The following IGSF1 variants were observed in gnomAD, a reference collection of about 807,000 sequenced individuals.
The protein encoded by IGSF1 is immunoglobulin-like domain-containing protein 1.
In IGSF1, 40 loss-of-function variants were observed where a neutral mutation model predicts 95.3. The ratio of observed to expected loss-of-function variants is 0.42; its 90% CI spans 0.33 to 0.55. The LOEUF (loss-of-function observed/expected upper bound fraction) is 0.55. Among genes scored for constraint, IGSF1 ranks in the 20% least tolerant of loss-of-function variants. The pLI, the probability that IGSF1 is intolerant of heterozygous loss-of-function variation, is 0.10. For synonymous variants in IGSF1, 372 were observed against 382.9 expected (o/e 0.97, Z 0.33); for missense variants, 906 against 1,025.4 (o/e 0.88, Z 1.59).
At position 131,275,962 on chromosome X, in the gene IGSF1, A is replaced by G. The variant is rs764878217; in HGVS notation, c.2895T>C (p.Thr965=). 1 of 1,209,040 alleles carries G rather than the reference A, an allele frequency of 8.3e-7. No individual in the cohort carries two copies. Among genetic ancestry groups the G allele is most frequent in the East Asian group, 3.0e-5 (1 of 33,824 alleles). The stretch of plus-strand genomic sequence containing the variant: ...GTCCCATGTCCGGTCGGTCCTTACC[A>G]GTCACCCAGATCATAAGGGGCATAC... ...YLSMPLMIWV[T]DTFPKPWLFA... is the part of the protein sequence containing the mutation. The change falls in exon 15 of 20, where the codon ACT becomes ACC. Residue 965 remains threonine (T), a splice_region_variant and synonymous_variant. Transcript: ENST00000361420.
chrX:131,274,801 G>A lies in IGSF1; in HGVS notation c.3549C>T (p.Cys1183=), dbSNP rs1367784644. 4.1e-6 allele frequency: 5 copies of A among 1,209,482 alleles called. No homozygotes were observed. Among genetic ancestry groups the A allele is most frequent in the Non-Finnish European group, 1.1e-6 (1 of 894,647 alleles). The part of the protein sequence containing the change: ...FKLGKDITLQ[C]RGPLPGVEFV... ...ATTCAACACCTGGCAGGGGTCCTCG[G>A]CACTGAAGGGTGATGTCCTTCCCTA... The change falls in exon 18 of 20, where the codon TGC becomes TGT. Residue 1183 remains cysteine (C), a synonymous_variant. Transcript: ENST00000361420.
intron 13 of IGSF1, chrX:131,277,612 G>A: frequency 2.6e-6 from 1 of 388,009 alleles, no homozygotes; most frequent in South Asian, 6.2e-5. Context: ...TAATTGATGT[G>A]AAAATAATTA....
In IGSF1 at chrX:131,273,939, A is replaced by G; in HGVS notation, c.3876-8T>C. The G allele has an allele frequency of 8.3e-7, 1 of 1,208,480 alleles. No homozygotes were observed. Among genetic ancestry groups the G allele is most frequent in the Non-Finnish European group, 1.1e-6 (1 of 893,815 alleles). ...CCGTCTGTCTCTGAGCCTCTATGTA[A>G]AGAAAAAGACATGAGTAAGGGAGGA... On this transcript the variant is annotated splice_polypyrimidine_tract_variant and splice_region_variant and intron_variant, in intron 19 of 19. Coordinates refer to ENST00000361420, the MANE Select transcript of IGSF1 (RefSeq NM_001555.5).
intron 13 of IGSF1, chrX:131,277,527 G>A: frequency 2.7e-6 from 1 of 373,209 alleles, no homozygotes; most frequent in East Asian, 4.3e-5. Flanking sequence ...CTGAGCCTCA[G>A]TTTGCCCATT....
intron 18 of IGSF1, 75 bp downstream of exon 18, chrX:131,274,524 G>T: frequency 9.6e-7 from 1 of 1,046,289 alleles, no homozygotes; most frequent in South Asian, 2.2e-5. Flanking sequence ...CTCCTGATTT[G>T]GGATGTCTCC....
chrX:131,274,343 G>A (rs2080451296), intron 18 of IGSF1, 137 bp from the exon 19 acceptor site: 3 of 846,378 alleles, frequency 3.5e-6, no homozygotes, highest in Non-Finnish European at 5.0e-6. Flanking sequence ...AGAGGGGGTG[G>A]GCAGTGGCAG....
At chrX:131,277,718 G>T in intron 13 of IGSF1, 138 bp downstream of exon 13, 1 of 662,062 alleles carries the variant, frequency 1.5e-6, no homozygotes, top group East Asian at 3.3e-5. Flanking sequence ...CCAGCGCCAC[G>T]CCTGCCTGGC....
At chrX:131,277,329 C>T (rs979213068) in intron 13 of IGSF1, 103 bp from the exon 14 acceptor site, 39 of 810,605 alleles carry the variant, frequency 4.8e-5, no homozygotes, top group East Asian at 1.7e-4. Flanking sequence ...TATTGGTTCT[C>T]GGAGGCTTCT....
chrX:131,284,663 C>T (rs1488697221), intron 5 of IGSF1: 1 of 747,433 alleles, frequency 1.3e-6, no homozygotes, highest in African/African-American at 2.3e-5. Context: ...GATAGGGAAC[C>T]AAGGTGATTT....
At chrX:131,289,361 C>T (rs1165478270), upstream of IGSF1, 3 of 363,393 alleles carry the variant, frequency 8.3e-6, no homozygotes, top group Non-Finnish European at 1.6e-5. Context: ...CCTGCCGGCC[C>T]GCCCCAACCT....
In IGSF1 at chrX:131,282,687, T is replaced by A; in HGVS notation, c.1003A>T (p.Met335Leu). The change falls in exon 7 of 20, where the codon ATG becomes TTG. Residue 335 changes from methionine to leucine, a missense_variant. Met to Leu is a conservative substitution (Grantham distance 15). Around this residue, in one of 5 missense-constraint regions of IGSF1, gnomAD observed 442 missense variants for 448.1 expected, o/e 0.99. Transcript: ENST00000361420. ...LLARPSAVVQ[M>L]GQNVSLRCRG... ...CACCGTAGGCTCACATTCTGACCCATTTGGACCACAGCACTGGGCCGAGCA... is the reference window on the plus strand; with the variant it reads ...CACCGTAGGCTCACATTCTGACCCAATTGGACCACAGCACTGGGCCGAGCA... The A allele has an allele frequency of 8.3e-7, 1 of 1,210,973 alleles. No individual in the cohort carries two copies. The highest frequency in any genetic ancestry group is 1.1e-6 in the Non-Finnish European group (1 of 894,858).
intron 9 of IGSF1, among the ~76,000 whole-genome samples, chrX:131,280,147 ATT>A (rs10718492): frequency 9.8e-6 from 1 of 102,090 alleles, no homozygotes. Context: ...ATAAAGCTAC[ATT>A]TTTTTTTTTT....
rs2080442368 is a variant in IGSF1, at chrX:131,273,673, C to T, written c.*123G>A. ...CTCAACTCCCAGAATCCCCTTTACC[C>T]AGCTCAGGTGATTAGAGACCAAGGA... On this transcript the variant is annotated 3_prime_UTR_variant, in exon 20 of 20. Coordinates refer to ENST00000361420, the MANE Select transcript of IGSF1 (RefSeq NM_001555.5). 2 of 691,518 alleles carry T rather than the reference C, an allele frequency of 2.9e-6. No individual in the cohort carries two copies. Among genetic ancestry groups the T allele is most frequent in the Admixed American group, 6.1e-5 (2 of 32,538 alleles). 57.0% of individuals were successfully genotyped at this position (691,518 alleles called of 1,213,427 possible). A position where few individuals can be genotyped will look rare whatever the true frequency, so the allele number is the denominator to read the frequency against.
Position 131,276,231 on chromosome X carries a change from T to C in IGSF1, c.2626A>G (p.Thr876Ala). The C allele has an allele frequency of 8.3e-7, 1 of 1,206,188 alleles. No individual in the cohort carries two copies. Among genetic ancestry groups the C allele is most frequent in the South Asian group, 1.8e-5 (1 of 55,378 alleles). Residue 876 changes from threonine to alanine, a missense_variant, in exon 15 of 20, where the codon ACT (threonine) becomes GCT (alanine). This residue lies in a region of IGSF1 where 411 missense variants were observed against 494.9 expected (regional missense o/e 0.83). Transcript: ENST00000361420. The stretch of plus-strand genomic sequence containing the variant: ...ACAGGACCTGGCTGTGCCAGGAGAG[T>C]GGGTTTGGGGTAGAATTCTGAAATT... The part of the protein sequence containing the change: ...LVVTEFYPKP[T>A]LLAQPGPVVF...
chrX:131,274,217 G>A lies in IGSF1; in HGVS notation c.3752-11C>T. Reference sequence around the variant, plus strand: ...CCTGAGCAACAGGCCCTGTGGTGATGAAAGAGGAGAAACCGAGGCCATGGA... The same window carrying A: ...CCTGAGCAACAGGCCCTGTGGTGATAAAAGAGGAGAAACCGAGGCCATGGA... On this transcript the variant is annotated splice_polypyrimidine_tract_variant and intron_variant, in intron 18 of 19. Coordinates refer to ENST00000361420, the MANE Select transcript of IGSF1 (RefSeq NM_001555.5). The A allele has an allele frequency of 8.3e-7, 1 of 1,210,414 alleles. No individual in the cohort carries two copies. Among genetic ancestry groups the A allele is most frequent in the Non-Finnish European group, 1.1e-6 (1 of 894,804 alleles).
In IGSF1 at chrX:131,285,476, T is replaced by C. The variant is rs1276951547; in HGVS notation, c.380-10A>G. The C allele has an allele frequency of 2.5e-6, 3 of 1,197,828 alleles. No individual in the cohort carries two copies. Among genetic ancestry groups the C allele is most frequent in the African/African-American group, 1.7e-5 (1 of 57,405 alleles). ...GGCTTGGGCAGTTGGCCTGGAAGGA[T>C]AGAATGAACTGGAATTAGGTAAAGC... is the stretch of plus-strand genomic sequence containing the variant. On this transcript the variant is annotated splice_polypyrimidine_tract_variant and intron_variant, in intron 4 of 19. Coordinates refer to ENST00000361420, the MANE Select transcript of IGSF1 (RefSeq NM_001555.5).
rs1196700319 is a variant in IGSF1 at position 131,283,261 on chromosome X, A to G, written c.671T>C (p.Leu224Pro). Residue 224 changes from leucine (L) to proline (P), a missense_variant, in exon 6 of 20, where the codon CTC becomes CCC. This residue lies in a region of IGSF1 where 442 missense variants were observed against 448.1 expected (regional missense o/e 0.99). Transcript: ENST00000361420. ...GGCTGTCAAAGTTGGTTTGGGGTAG[A>G]GTCCTACAAACGGAAGAGACCCTAA... ...SNPLKLVVAG[L>P]YPKPTLTAHP... 1 of 1,195,864 alleles carries G rather than the reference A, an allele frequency of 8.4e-7. No individual in the cohort carries two copies. The highest frequency in any genetic ancestry group is 1.8e-5 in the African/African-American group (1 of 56,862).
Position 131,283,308 on chromosome X carries a change from T to C in IGSF1, c.668-44A>G. The C allele has an allele frequency of 2.8e-6, 3 of 1,059,948 alleles. No individual in the cohort carries two copies. The South Asian group carries it at 6.3e-5, about 22-fold the overall frequency. 87.4% of individuals were successfully genotyped at this position (1,059,948 alleles called of 1,213,427 possible). A position where few individuals can be genotyped will look rare whatever the true frequency, so the allele number is the denominator to read the frequency against. ...CTAAAGTTAGAGGCAAGATGATTCT[T>C]TCCTGTTGTCTTCTGTTTTCTCTTT... On this transcript the variant is annotated intron_variant, in intron 5 of 19. Transcript: ENST00000361420.
At chrX:131,281,601 T>G in intron 8 of IGSF1, 65 bp downstream of exon 8, 1 of 1,116,592 alleles carries the variant, frequency 9.0e-7, no homozygotes, top group East Asian at 3.0e-5. Flanking sequence ...CCCATATCTT[T>G]CTGGGCACTG....
Sources: allele counts gnomAD v4.1 joint callset (sites outside exome capture counted in the v4.1 genomes callset), GRCh38; gene constraint gnomAD v4.1.1; regional missense constraint gnomAD v4.1.1; transcripts MANE v1.5; gene names NCBI Gene and HGNC (gene_info 2026-07-23, HGNC 2026-07-21).